The following TCF12 variants were observed in gnomAD, a reference collection of about 807,000 sequenced individuals.
TCF12 encodes the protein DNA-binding protein HTF4.
A neutral mutation model predicts 86.0 loss-of-function variants in TCF12; 45 were observed. The observed-to-expected ratio is 0.52, with a 90% CI of 0.41 to 0.67. The LOEUF (loss-of-function observed/expected upper bound fraction) is 0.67. Among genes scored for constraint, TCF12 ranks in the 30% least tolerant of loss-of-function variants. The pLI, the probability that TCF12 is intolerant of heterozygous loss-of-function variation, is 0.00. For synonymous variants in TCF12, 330 were observed against 299.6 expected (o/e 1.10, Z -1.05); for missense variants, 881 against 859.9 (o/e 1.02, Z -0.31).
At chr15:56,977,253 C>T (rs2062655517) in intron 3 of TCF12, among the ~76,000 whole-genome samples, 1 of 151,976 alleles carries the variant, frequency 6.6e-6, no homozygotes, top group South Asian at 2.1e-4. Flanking sequence ...AAATAAAAGG[C>T]CAGGTGTGGT....
intron 5 of TCF12, among the ~76,000 whole-genome samples, chr15:57,130,184 T>A (rs1399541987): frequency 6.6e-6 from 1 of 152,220 alleles, no homozygotes; most frequent in African/African-American, 2.4e-5. Flanking sequence ...GATGAAAGGC[T>A]CAATTTTGGA....
chr15:57,128,455 TATTTAGA>T (rs1489220298), intron 5 of TCF12, among the ~76,000 whole-genome samples: 1 of 152,244 alleles, frequency 6.6e-6, no homozygotes, highest in Non-Finnish European at 1.5e-5. Context: ...TTTTTTAAAA[TATTTAGA>T]ATTCAGTGGG....
At chr15:57,254,658 T>C (rs78150068) in intron 16 of TCF12, among the ~76,000 whole-genome samples, 7,714 of 151,844 alleles carry the variant, frequency 0.051, 554 homozygotes, top group African/African-American at 0.16. Context: ...GTTCCAAGAC[T>C]AGTCTGGGCA....
intron 13 of TCF12, among the ~76,000 whole-genome samples, chr15:57,246,500 GGCTGGTA>G (rs1277645913): frequency 6.6e-6 from 1 of 152,028 alleles, no homozygotes; most frequent in East Asian, 1.9e-4. Flanking sequence ...TTCTTCCTCA[GGCTGGTA>G]GCAAGACAGC....
chr15:57,194,733 G>T (rs149385872), intron 7 of TCF12, among the ~76,000 whole-genome samples: 1 of 152,014 alleles, frequency 6.6e-6, no homozygotes, highest in Non-Finnish European at 1.5e-5. Context: ...TCCCCTAAGC[G>T]TCTTTCACGT....
Position 56,961,474 on chromosome 15 carries a change from C to T in TCF12, c.148+40376C>T, listed in dbSNP as rs149579607. ...CCATAGTTAGATTTGTATAAGCAAC[C>T]GCAAAACGATATAGTCCAGTATCTA... On this transcript the variant is annotated intron_variant, in intron 3 of 20. Transcript: ENST00000333725. Among the ~76,000 whole-genome samples the T allele has an allele frequency of 7.1e-3, 1,088 of 152,200 alleles. 15 individuals are homozygous for T. Among genetic ancestry groups the T allele is most frequent in the African/African-American group, 0.025 (1,036 of 41,516 alleles).
chr15:56,961,396 A>T (rs1294771981), intron 3 of TCF12, among the ~76,000 whole-genome samples: 1 of 152,206 alleles, frequency 6.6e-6, no homozygotes, highest in Non-Finnish European at 1.5e-5. Context: ...TCCATTTTTA[A>T]GTATCAGGTA....
intron 5 of TCF12, chr15:57,134,434 G>A (rs537435930): frequency 5.3e-5 from 8 of 152,280 alleles, no homozygotes; most frequent in Non-Finnish European, 1.0e-4. Flanking sequence ...TTGTCACTGC[G>A]GGGGCTGAAA....
chr15:57,227,612 T>C (rs1339492182), intron 8 of TCF12, among the ~76,000 whole-genome samples: 1 of 152,172 alleles, frequency 6.6e-6, no homozygotes, highest in East Asian at 1.9e-4. Flanking sequence ...TGCGTTGTTT[T>C]CAACAGACTT....
intron 3 of TCF12, among the ~76,000 whole-genome samples, chr15:56,925,157 C>T (rs559198925): frequency 6.6e-6 from 1 of 152,198 alleles, no homozygotes; most frequent in East Asian, 1.9e-4. Flanking sequence ...TGAGATGGCG[C>T]AGCCAGTGTA....
chr15:57,131,856 C>A (rs1031819485), intron 5 of TCF12, among the ~76,000 whole-genome samples: 1 of 152,180 alleles, frequency 6.6e-6, no homozygotes, highest in Non-Finnish European at 1.5e-5. Flanking sequence ...GAAGTAGAAT[C>A]TGAGTCTTCT....
chr15:57,149,826 TC>T (rs1368007144), intron 5 of TCF12, among the ~76,000 whole-genome samples: 1 of 152,186 alleles, frequency 6.6e-6, no homozygotes, highest in African/African-American at 2.4e-5. Context: ...TTTGTTATGT[TC>T]TATCTTTTTC....
At chr15:57,054,399 A>ACG (rs1372428943) in intron 3 of TCF12, among the ~76,000 whole-genome samples, 3 of 152,180 alleles carry the variant, frequency 2.0e-5, no homozygotes, top group Non-Finnish European at 4.4e-5. Context: ...AAACCTTTGC[A>ACG]CTTTCACATT....
In TCF12 at chr15:57,137,986, C is replaced by A. The variant is rs2151387191; in HGVS notation, c.326-28416C>A. Among the ~76,000 whole-genome samples, 3 of 152,044 alleles carry A rather than the reference C, an allele frequency of 2.0e-5. 1 individual carries two copies. The South Asian group carries it at 6.2e-4, about 32-fold the overall frequency. On this transcript the variant is annotated intron_variant, in intron 5 of 20. Coordinates refer to ENST00000333725, the MANE Select transcript of TCF12 (RefSeq NM_207037.2). ...AGGTTGCAGTGAGCCAAGATAGCACCATTGTGCACTCCAGCCTGGCTGACA... is the reference window on the plus strand; with the variant it reads ...AGGTTGCAGTGAGCCAAGATAGCACAATTGTGCACTCCAGCCTGGCTGACA...
intron 5 of TCF12, among the ~76,000 whole-genome samples, chr15:57,119,946 C>T (rs563914469): frequency 1.5e-4 from 23 of 152,294 alleles, no homozygotes; most frequent in African/African-American, 4.6e-4. Flanking sequence ...TCCTTATTTC[C>T]TGTCATTTCT....
chr15:57,017,726 CTTTTTTT>C (rs34230192), intron 3 of TCF12, among the ~76,000 whole-genome samples: 4 of 130,546 alleles, frequency 3.1e-5, no homozygotes, highest in Admixed American at 1.5e-4. Context: ...AATTTTCTTT[CTTTTTTT>C]TTTTTTTTTT....
chr15:57,250,930 A>AAAAAGAATAAGAAGAAACAAAACCAAAAC (rs2060085788), intron 13 of TCF12, among the ~76,000 whole-genome samples: 1 of 151,890 alleles, frequency 6.6e-6, no homozygotes. Context: ...AAAACCAAAA[A>AAAAAGAATAAGAAGAAACAAAACCAAAAC]AACAGACTAG....
intron 19 of TCF12, among the ~76,000 whole-genome samples, chr15:57,277,596 T>A (rs1358961029): frequency 7.2e-6 from 1 of 139,130 alleles, no homozygotes; most frequent in Non-Finnish European, 1.5e-5. Context: ...GCCACTGCAC[T>A]CCAGCCTGGC....
At chr15:57,164,769 C>G (rs1322767086) in intron 5 of TCF12, among the ~76,000 whole-genome samples, 1 of 152,210 alleles carries the variant, frequency 6.6e-6, no homozygotes, top group Non-Finnish European at 1.5e-5. Context: ...CAACCTCTGC[C>G]TCCTGGGTTC....
Sources: gnomAD v4.1 joint callset for allele counts (sites outside exome capture counted in the v4.1 genomes callset) on GRCh38, gnomAD v4.1.1 for gene constraint, MANE v1.5 for transcripts, NCBI Gene and HGNC (gene_info 2026-07-23, HGNC 2026-07-21) for gene names.